The following RSRC1 variants were observed in gnomAD, a reference collection of about 807,000 sequenced individuals.
RSRC1 encodes the protein serine/Arginine-related protein 53.
RSRC1 carries 39 observed loss-of-function variants against 49.1 expected under a neutral mutation model. The ratio of observed to expected loss-of-function variants is 0.79; its 90% CI spans 0.61 to 1.04. The LOEUF (loss-of-function observed/expected upper bound fraction) is 1.04, where lower values mean the gene tolerates loss of function less well. Ranked by LOEUF, RSRC1 falls within the 50% of genes least tolerant of loss-of-function variation. RSRC1 has a pLI of 0.00. For missense variants in RSRC1, 388 were observed against 402.4 expected (o/e 0.96, Z 0.31); for synonymous variants, 143 against 130.8 (o/e 1.09, Z -0.63).
chr3:158,122,287 T>A lies in RSRC1; in HGVS notation c.183T>A (p.Ser61=), dbSNP rs1715309906. 6.4e-7 allele frequency: 1 copy of A among 1,571,210 alleles called. No individual in the cohort carries two copies. Among genetic ancestry groups the A allele is most frequent in the African/African-American group, 1.4e-5 (1 of 72,086 alleles). The change falls in exon 2 of 10, where the codon TCT becomes TCA. Residue 61 remains serine (S), a synonymous_variant. Coordinates refer to ENST00000611884, the MANE Select transcript of RSRC1 (RefSeq NM_001271838.2). ...WSRDLQPRSH[S]YDRRRRHRSS... ...GAGATCTTCAGCCTCGTTCACATTC[T>A]TATGATAGAAGGTGATTTTTGTAAT...
At chr3:158,123,582 G>A (rs1452231729) in intron 2 of RSRC1, among the ~76,000 whole-genome samples, 4 of 152,192 alleles carry the variant, frequency 2.6e-5, no homozygotes, top group Non-Finnish European at 5.9e-5. Flanking sequence ...ACAGGCATGA[G>A]CTACTGAGCC....
chr3:158,539,818 T>C lies in RSRC1; in HGVS notation c.759+2620T>C, dbSNP rs990199299. 6.6e-6 allele frequency among the ~76,000 whole-genome samples: 1 copy of C among 152,176 alleles called. No homozygotes were observed. The highest frequency in any genetic ancestry group is 1.5e-5 in the Non-Finnish European group (1 of 68,010). ...CCTCTGAGAGCTTCACCTTCTATTA[T>C]GTGTAAGTACTTCTCAAAGAAATCT... On this transcript the variant is annotated intron_variant, in intron 8 of 9. Transcript: ENST00000611884. This position sits in a 1 kb window ranked among gnomAD's most constrained non-coding sequence, Gnocchi z 4.1.
chr3:158,512,862 A>G (rs1740268728), intron 7 of RSRC1, among the ~76,000 whole-genome samples: 1 of 150,240 alleles, frequency 6.7e-6, no homozygotes, highest in South Asian at 2.1e-4. Flanking sequence ...TAAGTATTTT[A>G]TTCTCTTTGA....
At chr3:158,238,206 C>G (rs1015534495) in intron 4 of RSRC1, among the ~76,000 whole-genome samples, 6 of 151,924 alleles carry the variant, frequency 3.9e-5, no homozygotes, top group Admixed American at 1.3e-4. Context: ...CACTGCTCAA[C>G]GAAATAAAAG....
At chr3:158,473,340 A>G (rs1356935079) in intron 7 of RSRC1, among the ~76,000 whole-genome samples, 1 of 152,180 alleles carries the variant, frequency 6.6e-6, no homozygotes, top group Non-Finnish European at 1.5e-5. Flanking sequence ...GCCATAAAAA[A>G]TGATGAGTTC....
intron 3 of RSRC1, among the ~76,000 whole-genome samples, chr3:158,196,827 A>G (rs1343101989): frequency 6.6e-6 from 1 of 152,232 alleles, no homozygotes; most frequent in East Asian, 1.9e-4. Context: ...ATGTTGAACC[A>G]GACTTGCATC....
chr3:158,144,273 A>T (rs962209166), intron 3 of RSRC1, among the ~76,000 whole-genome samples: 9 of 151,940 alleles, frequency 5.9e-5, no homozygotes, highest in Non-Finnish European at 1.3e-4. Flanking sequence ...TCCTAATGCT[A>T]TCCCTCCCCC....
chr3:158,440,085 TAACA>T lies in RSRC1; in HGVS notation c.584-20846_584-20843del, dbSNP rs573675740. 2.0e-5 allele frequency among the ~76,000 whole-genome samples: 3 copies of T among 152,250 alleles called. No homozygotes were observed. The South Asian group carries it at 6.2e-4, about 32-fold the overall frequency. On this transcript the variant is annotated intron_variant, in intron 6 of 9. Transcript: ENST00000611884. Reference sequence around the variant, plus strand: ...CTACCATGGCACGTGTATACCTATGTAACAAACCTGCACGTTCTACTCATGTGTC... The same window carrying T: ...CTACCATGGCACGTGTATACCTATGTAACCTGCACGTTCTACTCATGTGTC...
rs1001180773 is a variant in RSRC1, at chr3:158,370,586, A to AT, written c.583+15688dup. ...TTTGTTCGTGTCGTTGTGAGCATTCATTTTTTTTTTACTGCTGAATAGTAT... is the reference window on the plus strand; with the variant it reads ...TTTGTTCGTGTCGTTGTGAGCATTCATTTTTTTTTTTACTGCTGAATAGTAT... On this transcript the variant is annotated intron_variant, in intron 6 of 9. Transcript: ENST00000611884. Among the ~76,000 whole-genome samples, 519 of 147,308 alleles carry AT rather than the reference A, an allele frequency of 3.5e-3. 4 individuals carry two copies. The highest frequency in any genetic ancestry group is 0.011 in the African/African-American group (450 of 40,438).
At chr3:158,160,856 C>A (rs576409272) in intron 3 of RSRC1, among the ~76,000 whole-genome samples, 1 of 152,124 alleles carries the variant, frequency 6.6e-6, no homozygotes, top group Non-Finnish European at 1.5e-5. Flanking sequence ...TGATTGTCAG[C>A]ATCACCTTAA....
At chr3:158,198,357 C>T (rs1263024607) in intron 3 of RSRC1, among the ~76,000 whole-genome samples, 5 of 152,108 alleles carry the variant, frequency 3.3e-5, no homozygotes, top group Non-Finnish European at 7.4e-5. Context: ...GATCTTCCTC[C>T]ATCCCTTTAT....
chr3:158,355,214 T>C (rs1412007277), intron 6 of RSRC1, among the ~76,000 whole-genome samples: 2 of 152,002 alleles, frequency 1.3e-5, no homozygotes, highest in Non-Finnish European at 2.9e-5. Context: ...GTTTTGGTGA[T>C]GTGTTTAAGA....
At chr3:158,528,140 G>A (rs959282280) in intron 7 of RSRC1, among the ~76,000 whole-genome samples, 1 of 151,852 alleles carries the variant, frequency 6.6e-6, no homozygotes, top group Non-Finnish European at 1.5e-5. Flanking sequence ...AAAGATAGAA[G>A]AACCTAGTAA....
chr3:158,452,754 A>G (rs1737111969), intron 6 of RSRC1, among the ~76,000 whole-genome samples: 1 of 152,202 alleles, frequency 6.6e-6, no homozygotes, highest in Non-Finnish European at 1.5e-5. Flanking sequence ...GCATCACGAA[A>G]CTTCTTCAAA....
intron 5 of RSRC1, among the ~76,000 whole-genome samples, chr3:158,319,427 A>C (rs1728639662): frequency 6.6e-6 from 1 of 152,108 alleles, no homozygotes; most frequent in Non-Finnish European, 1.5e-5. Flanking sequence ...TTCTTTATAA[A>C]TTACCCAGTC....
intron 3 of RSRC1, among the ~76,000 whole-genome samples, chr3:158,127,756 G>GTTTTTTTTTTTTTTTTTTTTTTTTTTTGT (rs34766107): frequency 1.2e-5 from 1 of 81,240 alleles, no homozygotes; most frequent in Non-Finnish European, 2.3e-5. Context: ...CTGCTTTGTG[G>GTTTTTTTTTTTTTTTTTTTTTTTTTTTGT]TTTTTTTTTT....
At position 158,176,859 on chromosome 3, in the gene RSRC1, A is replaced by G. The variant is rs190542373; in HGVS notation, c.321-26213A>G. Among the ~76,000 whole-genome samples the G allele has an allele frequency of 2.5e-3, 388 of 152,330 alleles. 3 individuals are homozygous for G. The highest frequency in any genetic ancestry group is 8.8e-3 in the African/African-American group (366 of 41,572). On this transcript the variant is annotated intron_variant, in intron 3 of 9. Transcript: ENST00000611884. Reference sequence around the variant, plus strand: ...AAACTACCATTAGAGTGAACAGGCAACCTACAGAATGGGAGAAAATTTTTG... The same window carrying G: ...AAACTACCATTAGAGTGAACAGGCAGCCTACAGAATGGGAGAAAATTTTTG...
intron 4 of RSRC1, among the ~76,000 whole-genome samples, chr3:158,259,708 A>G (rs1178710770): frequency 6.6e-6 from 1 of 152,184 alleles, no homozygotes; most frequent in Non-Finnish European, 1.5e-5. Context: ...GATGCTGTCC[A>G]TGAGCCAGGG....
chr3:158,475,472 T>C (rs1277564170), intron 7 of RSRC1, among the ~76,000 whole-genome samples: 1 of 152,210 alleles, frequency 6.6e-6, no homozygotes, highest in Non-Finnish European at 1.5e-5. Context: ...CAACCCTGCA[T>C]TGAACAAGTC....
Sources: gnomAD v4.1 joint callset for allele counts (sites outside exome capture counted in the v4.1 genomes callset) on GRCh38, gnomAD v4.1.1 for gene constraint, Gnocchi (gnomAD v3.1) non-coding constraint, MANE v1.5 for transcripts, NCBI Gene and HGNC (gene_info 2026-07-23, HGNC 2026-07-21) for gene names.